Variants in CHSY3 observed in about 807,000 individuals in gnomAD.
CHSY3 encodes the protein chondroitin sulfate synthase 3.
Under a neutral mutation model 67.2 loss-of-function variants are expected in CHSY3, and 35 were observed. That is an observed-to-expected ratio of 0.52 (90% confidence interval 0.40 to 0.69). CHSY3 has a LOEUF of 0.69. CHSY3 is among the 30% of genes least tolerant of loss of function. The pLI is 0.00. For missense variants in CHSY3, 1,069 were observed against 1,138.5 expected (o/e 0.94, Z 0.88); for synonymous variants, 474 against 434.7 (o/e 1.09, Z -1.12).
chr5:130,175,744 A>C (rs936020456), intron 2 of CHSY3, among the ~76,000 whole-genome samples: 3 of 152,202 alleles, frequency 2.0e-5, no homozygotes, highest in African/African-American at 7.2e-5. Context: ...TGACAAAAAC[A>C]AGCAACAGGG....
At chr5:130,059,967 T>TA (rs968205913) in intron 2 of CHSY3, among the ~76,000 whole-genome samples, 2 of 151,562 alleles carry the variant, frequency 1.3e-5, no homozygotes, top group Admixed American at 6.6e-5. Context: ...GCCACACTTT[T>TA]AAAAAATGAA....
intron 2 of CHSY3, among the ~76,000 whole-genome samples, chr5:130,074,276 G>A (rs1382596708): frequency 1.3e-5 from 2 of 151,886 alleles, no homozygotes; most frequent in African/African-American, 4.8e-5. Context: ...TCACCACGTT[G>A]GCCAGGCTGG....
At chr5:130,034,128 T>G (rs568420179) in intron 2 of CHSY3, among the ~76,000 whole-genome samples, 7 of 152,282 alleles carry the variant, frequency 4.6e-5, no homozygotes, top group African/African-American at 1.4e-4. Context: ...TTGGTGTTTA[T>G]CATATGAAAT....
chr5:129,986,956 T>C (rs1227769348), intron 2 of CHSY3, among the ~76,000 whole-genome samples: 1 of 152,182 alleles, frequency 6.6e-6, no homozygotes, highest in Non-Finnish European at 1.5e-5. Context: ...AGTTTTCTTA[T>C]TAATGACTTT....
intron 2 of CHSY3, among the ~76,000 whole-genome samples, chr5:130,025,431 G>A (rs1349317244): frequency 6.6e-6 from 1 of 152,154 alleles, no homozygotes; most frequent in East Asian, 1.9e-4. Context: ...GCCAACAGGA[G>A]GAGCCAGATC....
intron 2 of CHSY3, among the ~76,000 whole-genome samples, chr5:130,056,355 A>G (rs749928699): frequency 6.6e-6 from 1 of 151,650 alleles, no homozygotes; most frequent in Non-Finnish European, 1.5e-5. Flanking sequence ...AAATGTTAAC[A>G]TTCCATTTAT....
intron 2 of CHSY3, among the ~76,000 whole-genome samples, chr5:130,034,718 C>T (rs1429791285): frequency 6.6e-6 from 1 of 152,054 alleles, no homozygotes; most frequent in Non-Finnish European, 1.5e-5. Flanking sequence ...AGCAGGATGT[C>T]AAGACAGGGA....
intron 2 of CHSY3, among the ~76,000 whole-genome samples, chr5:130,052,687 C>G (rs1205945452): frequency 6.6e-6 from 1 of 151,866 alleles, no homozygotes; most frequent in African/African-American, 2.4e-5. Flanking sequence ...TTTTTCTATT[C>G]TGGTAAGGGA....
intron 2 of CHSY3, among the ~76,000 whole-genome samples, chr5:130,102,574 A>G (rs764366042): frequency 6.6e-6 from 1 of 151,838 alleles, no homozygotes; most frequent in Non-Finnish European, 1.5e-5. Flanking sequence ...GAGCAGCACA[A>G]TGATTTCACT....
At chr5:130,042,635 A>G (rs1765037331) in intron 2 of CHSY3, among the ~76,000 whole-genome samples, 1 of 152,122 alleles carries the variant, frequency 6.6e-6, no homozygotes, top group African/African-American at 2.4e-5. Context: ...TTTTTTAACC[A>G]TGGTGCATTA....
At position 129,930,508 on chromosome 5, in the gene CHSY3, C is replaced by CG. The variant is rs34781346; in HGVS notation, c.1086+22158dup. 2.3e-3 allele frequency among the ~76,000 whole-genome samples: 246 copies of CG among 105,322 alleles called. 2 individuals carry two copies. Among genetic ancestry groups the CG allele is most frequent in the Non-Finnish European group, 2.7e-3 (149 of 55,204 alleles). 69.1% of individuals were successfully genotyped at this position (105,322 alleles called of 152,430 possible). A position where few individuals can be genotyped will look rare whatever the true frequency, so the allele number is the denominator to read the frequency against. On this transcript the variant is annotated intron_variant, in intron 2 of 2. Coordinates refer to ENST00000305031, the MANE Select transcript of CHSY3 (RefSeq NM_175856.5). ...GATGTTTAAAAGGAGGCATCACTGG[C>CG]GGGGGGGGGGTATGAAGTTTTGCCT...
intron 2 of CHSY3, chr5:130,001,944 T>A: frequency 1.2e-6 from 1 of 845,264 alleles, no homozygotes; most frequent in Non-Finnish European, 1.4e-6. Flanking sequence ...AGATGTTAAT[T>A]AATATGTCAG....
intron 2 of CHSY3, among the ~76,000 whole-genome samples, chr5:130,028,513 A>T (rs1471487961): frequency 1.3e-5 from 2 of 152,314 alleles, no homozygotes; most frequent in East Asian, 3.9e-4. Context: ...CATACTTTTT[A>T]ATAATTATGA....
At chr5:129,947,866 T>A (rs1348404253) in intron 2 of CHSY3, among the ~76,000 whole-genome samples, 1 of 152,332 alleles carries the variant, frequency 6.6e-6, no homozygotes, top group Non-Finnish European at 1.5e-5. Flanking sequence ...GGATTAGTGA[T>A]GTTGAACACC....
intron 2 of CHSY3, among the ~76,000 whole-genome samples, chr5:129,998,892 T>A (rs995582622): frequency 3.3e-5 from 5 of 152,056 alleles, no homozygotes; most frequent in Admixed American, 6.6e-5. Flanking sequence ...CTTTACCATG[T>A]TTTTTATGCA....
chr5:130,164,384 G>C (rs1769661959), intron 2 of CHSY3, among the ~76,000 whole-genome samples: 1 of 152,116 alleles, frequency 6.6e-6, no homozygotes. Context: ...CAACATTGTA[G>C]GAGTAAGAAG....
At chr5:130,093,536 A>G (rs1174591495) in intron 2 of CHSY3, among the ~76,000 whole-genome samples, 1 of 152,164 alleles carries the variant, frequency 6.6e-6, no homozygotes, top group Non-Finnish European at 1.5e-5. Flanking sequence ...TTGCATACTT[A>G]TTTATACTAG....
chr5:130,005,342 G>C (rs1763845414), intron 2 of CHSY3, among the ~76,000 whole-genome samples: 1 of 152,004 alleles, frequency 6.6e-6, no homozygotes, highest in South Asian at 2.1e-4. Context: ...TTGAACCCGG[G>C]AGGCAGAGGT....
rs1770375969 is a variant in CHSY3, at chr5:130,185,105, G to A, written c.1963G>A (p.Val655Ile). The change falls in exon 3 of 3, where the codon GTC becomes ATC. Residue 655 changes from valine (V) to isoleucine (I), a missense_variant. By Grantham distance (29) the Val-to-Ile change is conservative. This residue lies in a region of CHSY3 where 401 missense variants were observed against 395.2 expected (regional missense o/e 1.01). Transcript: ENST00000305031. ...TATCCCAAAGCAGAATGTAAAGTTG[G>A]TCATTATCCTTTTCAGTAGGGATTC... Reference protein sequence around the residue: ...CLIPKQNVKLVIILFSRDSGQ... With the variant: ...CLIPKQNVKLIIILFSRDSGQ... The A allele has an allele frequency of 6.3e-7, 1 of 1,598,590 alleles. No individual in the cohort carries two copies. The highest frequency in any genetic ancestry group is 1.1e-5 in the South Asian group (1 of 90,720).
Sources: gnomAD v4.1 joint callset for allele counts (sites outside exome capture counted in the v4.1 genomes callset) on GRCh38, gnomAD v4.1.1 for gene constraint, gnomAD v4.1.1 regional missense constraint, MANE v1.5 for transcripts, NCBI Gene and HGNC (gene_info 2026-07-23, HGNC 2026-07-21) for gene names.